Variants in ABHD12B observed in about 807,000 individuals in gnomAD.
The protein encoded by ABHD12B is abhydrolase domain containing 12B.
Under a neutral mutation model 50.4 loss-of-function variants are expected in ABHD12B, and 42 were observed. The ratio of observed to expected loss-of-function variants is 0.83; its 90% CI spans 0.65 to 1.08. The LOEUF (loss-of-function observed/expected upper bound fraction) is 1.08, where lower values mean the gene tolerates loss of function less well. Ranked by LOEUF, ABHD12B falls within the 50% of genes least tolerant of loss-of-function variation. ABHD12B has a pLI of 0.00. For missense variants in ABHD12B, 479 were observed against 447.7 expected, an observed-to-expected ratio of 1.07 and a Z score of -0.63; for synonymous variants, 167 against 160.3, an observed-to-expected ratio of 1.04 and a Z score of -0.32.
At chr14:50,887,454 T>G (rs2050058733) in intron 8 of ABHD12B, among the ~76,000 whole-genome samples, 1 of 152,126 alleles carries the variant, frequency 6.6e-6, no homozygotes, top group South Asian at 2.1e-4. Flanking sequence ...AATTAGAATT[T>G]ACTCCTTATA....
At chr14:50,899,705 T>C (rs1369109906) in intron 9 of ABHD12B, among the ~76,000 whole-genome samples, 1 of 151,788 alleles carries the variant, frequency 6.6e-6, no homozygotes, top group African/African-American at 2.4e-5. Context: ...AGGCGGATCA[T>C]TTGAGGTCAG....
chr14:50,875,596 C>T (rs1049106926), intron 1 of ABHD12B, among the ~76,000 whole-genome samples: 4 of 152,150 alleles, frequency 2.6e-5, no homozygotes, highest in East Asian at 1.9e-4. Context: ...TGTGGCTGGC[C>T]GTTAGCGGGG....
intron 5 of ABHD12B, among the ~76,000 whole-genome samples, chr14:50,883,773 A>G (rs2049993550): frequency 6.6e-6 from 1 of 152,264 alleles, no homozygotes; most frequent in Admixed American, 6.5e-5. Context: ...CAACAGGACC[A>G]AACTTCCTTA....
chr14:50,891,283 T>A (rs552741526), intron 9 of ABHD12B: 1 of 151,866 alleles, frequency 6.6e-6, no homozygotes, highest in African/African-American at 2.4e-5. Context: ...GGCTCTGTCG[T>A]CCAGGCTGGA....
intron 3 of ABHD12B, 115 bp from the exon 4 acceptor site, chr14:50,880,337 T>G: frequency 8.9e-7 from 1 of 1,124,810 alleles, no homozygotes; most frequent in South Asian, 3.2e-5. Context: ...TGTGCATATA[T>G]TAGTCGGATA....
chr14:50,886,702 A>G lies in ABHD12B; in HGVS notation c.700+18A>G, dbSNP rs750292661. On this transcript the variant is annotated intron_variant, in intron 8 of 12. Transcript: ENST00000337334. ...AGAAAAAGGTAATATAAAATGCTTA[A>G]GTGGTATAATTTCCCATCTTCAGAT... 2 of 1,601,666 alleles carry G rather than the reference A, an allele frequency of 1.2e-6. No homozygotes were observed. The highest frequency in any genetic ancestry group is 2.7e-5 in the African/African-American group (2 of 74,764).
At chr14:50,902,475 T>A (rs2050272266) in intron 10 of ABHD12B, among the ~76,000 whole-genome samples, 2 of 152,124 alleles carry the variant, frequency 1.3e-5, no homozygotes, top group Admixed American at 1.3e-4. Context: ...CAGAGTGACA[T>A]CCTGTAAAAC....
In ABHD12B at chr14:50,901,845, C is replaced by A; in HGVS notation, c.797C>A (p.Pro266Gln). 1 of 1,590,878 alleles carries A rather than the reference C, an allele frequency of 6.3e-7. No individual in the cohort carries two copies. Among genetic ancestry groups the A allele is most frequent in the Admixed American group, 1.9e-5 (1 of 52,924 alleles). The change falls in exon 10 of 13, where the codon CCA becomes CAA. Residue 266 changes from proline to glutamine, a missense_variant. Transcript: ENST00000337334. ...YPLLKIYRNI[P>Q]GFLRTLMDAL... is the part of the protein sequence containing the mutation. ...TAAAAATAGATTTACCGGAACATTCCAGGATTTTTACGTACACTTATGGAT... is the reference window on the plus strand; with the variant it reads ...TAAAAATAGATTTACCGGAACATTCAAGGATTTTTACGTACACTTATGGAT...
Position 50,872,118 on chromosome 14 carries a change from G to T in ABHD12B, c.-57G>T, listed in dbSNP as rs2049792075. ...CCGCCGGGGCGGGAAGGTCGCGGGC[G>T]GCTGCTCCGGACTGCAGCTCCCGCG... On this transcript the variant is annotated 5_prime_UTR_variant, in exon 1 of 13. Coordinates refer to ENST00000337334, the MANE Select transcript of ABHD12B (RefSeq NM_001206673.2). The T allele has an allele frequency of 2.5e-6, 3 of 1,177,934 alleles. No individual in the cohort carries two copies. Among genetic ancestry groups the T allele is most frequent in the Non-Finnish European group, 3.2e-6 (3 of 944,698 alleles). 73.0% of individuals were successfully genotyped at this position (1,177,934 alleles called of 1,614,324 possible).
intron 9 of ABHD12B, among the ~76,000 whole-genome samples, chr14:50,900,622 A>G (rs928511941): frequency 3.3e-5 from 5 of 152,230 alleles, no homozygotes; most frequent in Admixed American, 6.5e-5. Context: ...AAGAAATAGC[A>G]TCTGAGCTGA....
chr14:50,899,285 A>G (rs1185188401), intron 9 of ABHD12B, among the ~76,000 whole-genome samples: 1 of 152,240 alleles, frequency 6.6e-6, no homozygotes, highest in African/African-American at 2.4e-5. Flanking sequence ...ATTTGTATTT[A>G]GTGGCACTGG....
chr14:50,884,509 G>A (rs543280763), intron 5 of ABHD12B, among the ~76,000 whole-genome samples: 5 of 152,158 alleles, frequency 3.3e-5, no homozygotes, highest in African/African-American at 7.2e-5. Context: ...GTGAATCTTC[G>A]TTCTAGTTCT....
In ABHD12B at chr14:50,878,092, C is replaced by A. The variant is rs972894650; in HGVS notation, c.232+13C>A. 2.7e-6 allele frequency: 4 copies of A among 1,505,964 alleles called. No homozygotes were observed. The highest frequency in any genetic ancestry group is 2.6e-6 in the Non-Finnish European group (3 of 1,133,708). 93.3% of individuals were successfully genotyped at this position (1,505,964 alleles called of 1,614,324 possible). A position where few individuals can be genotyped will look rare whatever the true frequency, so the allele number is the denominator to read the frequency against. On this transcript the variant is annotated intron_variant, in intron 2 of 12. Transcript: ENST00000337334. ...TATTTTAATTTTTGTAAGTATGGAC[C>A]TTCCATAAATTTTCCTATATAATTT...
intron 1 of ABHD12B, among the ~76,000 whole-genome samples, chr14:50,874,516 C>T (rs1566481855): frequency 6.6e-6 from 1 of 152,052 alleles, no homozygotes; most frequent in Non-Finnish European, 1.5e-5. Context: ...AGGAGAATTG[C>T]TTGAACCTGG....
chr14:50,880,722 A>G (rs1161951456), intron 4 of ABHD12B, 151 bp downstream of exon 4: 2 of 911,184 alleles, frequency 2.2e-6, no homozygotes, highest in Non-Finnish European at 3.0e-6. Context: ...TGTTCTGGCA[A>G]TAAGCTTCAC....
chr14:50,904,823 T>A lies in ABHD12B; in HGVS notation c.*457T>A, dbSNP rs1303813375. ...AATTATGACCAAAAGAGCTCTTCACTCCTCCTACCATTTGAGGATACAGTG... is the reference window on the plus strand; with the variant it reads ...AATTATGACCAAAAGAGCTCTTCACACCTCCTACCATTTGAGGATACAGTG... On this transcript the variant is annotated 3_prime_UTR_variant, in exon 13 of 13. Transcript: ENST00000337334. The A allele has an allele frequency of 2.2e-4, 50 of 230,560 alleles. No individual in the cohort carries two copies. The highest frequency in any genetic ancestry group is 1.5e-3 in the South Asian group (22 of 15,118). 14.3% of individuals were successfully genotyped at this position (230,560 alleles called of 1,614,324 possible).
intron 1 of ABHD12B, among the ~76,000 whole-genome samples, chr14:50,875,530 T>C (rs1331530342): frequency 6.6e-6 from 1 of 152,184 alleles, no homozygotes; most frequent in African/African-American, 2.4e-5. Flanking sequence ...TGGTTACAGC[T>C]GCAGCTGATC....
At chr14:50,878,873 T>G (rs1210564298) in intron 3 of ABHD12B, 26 bp downstream of exon 3, 1 of 1,590,934 alleles carries the variant, frequency 6.3e-7, no homozygotes, top group African/African-American at 1.3e-5. Context: ...GGACACCGGG[T>G]TGCTTGATGG....
At chr14:50,886,707 T>G in intron 8 of ABHD12B, 23 bp downstream of exon 8, 1 of 1,596,814 alleles carries the variant, frequency 6.3e-7, no homozygotes, top group Non-Finnish European at 8.6e-7. Flanking sequence ...GCTTAAGTGG[T>G]ATAATTTCCC....
Sources: gnomAD v4.1 joint callset for allele counts (sites outside exome capture counted in the v4.1 genomes callset) on GRCh38, gnomAD v4.1.1 for gene constraint, MANE v1.5 for transcripts, NCBI Gene and HGNC (gene_info 2026-07-23, HGNC 2026-07-21) for gene names.